Variants in TRPM1 observed in about 807,000 individuals in gnomAD.
TRPM1 encodes the protein transient receptor potential cation channel subfamily M member 1.
In TRPM1, 113 loss-of-function variants were observed where a neutral mutation model predicts 149.4. The ratio of observed to expected loss-of-function variants is 0.76; its 90% CI spans 0.65 to 0.88. The LOEUF (loss-of-function observed/expected upper bound fraction) is 0.88, where lower values mean the gene tolerates loss of function less well. Among genes scored for constraint, TRPM1 ranks in the 40% least tolerant of loss-of-function variants. The pLI is 0.00. For synonymous variants in TRPM1, 741 were observed against 759.5 expected (o/e 0.98, Z 0.40); for missense variants, 1,976 against 2,038.7 (o/e 0.97, Z 0.59).
intron 27 of TRPM1, among the ~76,000 whole-genome samples, chr15:31,003,914 C>T (rs1357076310): frequency 6.6e-6 from 1 of 151,694 alleles, no homozygotes; most frequent in African/African-American, 2.4e-5. Flanking sequence ...ATAATGTTGC[C>T]TGGCCTAAAA....
chr15:31,143,894 G>A (rs2036190830), intron 1 of TRPM1, among the ~76,000 whole-genome samples: 1 of 151,942 alleles, frequency 6.6e-6, no homozygotes, highest in Non-Finnish European at 1.5e-5. Context: ...ATGGTAATAT[G>A]GTTATTTGCA....
chr15:31,160,391 C>A (rs2036429438), intron 1 of TRPM1, among the ~76,000 whole-genome samples: 1 of 152,166 alleles, frequency 6.6e-6, no homozygotes. Context: ...TCACTTAGGG[C>A]CCCTCTGGCC....
chr15:31,154,831 G>T (rs1423123328), intron 1 of TRPM1, among the ~76,000 whole-genome samples: 1 of 151,468 alleles, frequency 6.6e-6, no homozygotes, highest in African/African-American at 2.4e-5. Flanking sequence ...CTGATCTTGT[G>T]ACCCCCACCC....
Position 31,132,427 on chromosome 15 carries a change from C to G in TRPM1, c.54+28479G>C, listed in dbSNP as rs1226907297. On this transcript the variant is annotated intron_variant, in intron 1 of 26. Transcript: ENST00000542188. ...CAGTTACTACCCAAGGAGCCCTAGT[C>G]CTGCAACAGAGTAGCCACTGGCTAC... Among the ~76,000 whole-genome samples, 95 of 152,224 alleles carry G rather than the reference C, an allele frequency of 6.2e-4. 1 individual carries two copies.
chr15:31,127,917 C>T (rs4779830), intron 1 of TRPM1, among the ~76,000 whole-genome samples: 74,865 of 152,030 alleles, frequency 0.49, 19,013 homozygotes, highest in Middle Eastern at 0.55. Flanking sequence ...CCCTGTAGCT[C>T]GTGGGGTCTG....
At chr15:31,086,910 A>T (rs184830670) in intron 1 of TRPM1, among the ~76,000 whole-genome samples, 2 of 152,338 alleles carry the variant, frequency 1.3e-5, no homozygotes, top group East Asian at 3.8e-4. Context: ...AAACTGATTT[A>T]AAAAAGGACT....
Position 31,067,865 on chromosome 15 carries a change from G to A in TRPM1, c.493+14C>T. The A allele has an allele frequency of 6.2e-7, 1 of 1,611,884 alleles. No homozygotes were observed. Among genetic ancestry groups the A allele is most frequent in the Non-Finnish European group, 8.5e-7 (1 of 1,179,634 alleles). ...GGTACATTGATTATCGGGAGGGAAA[G>A]GGCCTGCTCTTACCTGTGCTGACAC... On this transcript the variant is annotated intron_variant, in intron 5 of 27. Transcript: ENST00000256552.
At chr15:31,150,539 T>TGATTCTTC (rs2036286819) in intron 1 of TRPM1, among the ~76,000 whole-genome samples, 1 of 149,628 alleles carries the variant, frequency 6.7e-6, no homozygotes, top group African/African-American at 2.5e-5. Context: ...CGGATTCAAG[T>TGATTCTTC]GATTCTTCGG....
chr15:31,133,358 A>T (rs1010935816), intron 1 of TRPM1, among the ~76,000 whole-genome samples: 1 of 152,188 alleles, frequency 6.6e-6, no homozygotes, highest in African/African-American at 2.4e-5. Context: ...ACTTGAGGTC[A>T]GGAGTTGGAG....
upstream of TRPM1, among the ~76,000 whole-genome samples, chr15:31,104,925 C>G (rs1203001766): frequency 1.3e-5 from 2 of 152,044 alleles, no homozygotes; most frequent in Non-Finnish European, 2.9e-5. Context: ...TAGGTCGACT[C>G]TTCTTTATTT....
At chr15:31,022,764 G>A (rs28435882) in intron 27 of TRPM1, among the ~76,000 whole-genome samples, 10,010 of 151,986 alleles carry the variant, frequency 0.066, 424 homozygotes, top group South Asian at 0.13. Context: ...TCATCCATTC[G>A]TTCAAAAAAA....
rs2034493749 is a variant in TRPM1, at chr15:31,070,148, G to A, written c.162C>T (p.Ser54=). 13 of 1,613,966 alleles carry A rather than the reference G, an allele frequency of 8.1e-6. No individual in the cohort carries two copies. Among genetic ancestry groups the A allele is most frequent in the African/African-American group, 2.7e-5 (2 of 74,912 alleles). ...TCTCAGGCTGAGTCTCCACCTGTTT[G>A]CTTTCCTCTTCATTTTTGCTGGGTG... is the stretch of plus-strand genomic sequence containing the variant. ...SATPSKNEEE[S]KQVETQPEKW... Residue 54 remains serine (S), a synonymous_variant, in exon 4 of 28, where the codon AGC becomes AGT. Transcript: ENST00000256552.
In TRPM1 at chr15:31,002,852, T is replaced by C; in HGVS notation, c.3848A>G (p.Gln1283Arg). ...GCCATCAGCGCTATTGATGCTGCTT[T>C]GCCGGAGAAGATACGTTGCCTCACA... ...SECEATYLLR[Q>R]SSINSADGYS... Residue 1283 changes from glutamine to arginine, a missense_variant, in exon 28 of 28, where the codon CAA (glutamine) becomes CGA (arginine). Physicochemically the swap from Gln to Arg is conservative, Grantham distance 43. Transcript: ENST00000256552. 2 of 1,614,222 alleles carry C rather than the reference T, an allele frequency of 1.2e-6. No homozygotes were observed. The highest frequency in any genetic ancestry group is 1.7e-6 in the Non-Finnish European group (2 of 1,180,034).
chr15:31,038,698 C>G lies in TRPM1; in HGVS notation c.2317-532G>C, dbSNP rs932255388. Among the ~76,000 whole-genome samples, 3 of 152,216 alleles carry G rather than the reference C, an allele frequency of 2.0e-5. No homozygotes were observed. The South Asian group carries it at 6.2e-4, about 32-fold the overall frequency. ...CTGCACTCCAGCCTGGGTGACAGAGCAAGACCCTGTCTCAAAAATAAAATA... is the reference window on the plus strand; with the variant it reads ...CTGCACTCCAGCCTGGGTGACAGAGGAAGACCCTGTCTCAAAAATAAAATA... On this transcript the variant is annotated intron_variant, in intron 18 of 27. Coordinates refer to ENST00000256552, the MANE Select transcript of TRPM1 (RefSeq NM_001252024.2).
intron 1 of TRPM1, among the ~76,000 whole-genome samples, chr15:31,087,477 A>G (rs934519056): frequency 2.0e-5 from 3 of 151,714 alleles, no homozygotes; most frequent in Non-Finnish European, 2.9e-5. Flanking sequence ...GATGGTCTCA[A>G]TCTCCTGACC....
intron 23 of TRPM1, among the ~76,000 whole-genome samples, chr15:31,030,321 T>C (rs2033007759): frequency 6.6e-6 from 1 of 151,998 alleles, no homozygotes; most frequent in Admixed American, 6.5e-5. Flanking sequence ...GGACTAAAAG[T>C]GCCTCCTTCA....
intron 1 of TRPM1, among the ~76,000 whole-genome samples, chr15:31,089,875 C>T (rs531859973): frequency 1.3e-5 from 2 of 152,290 alleles, no homozygotes; most frequent in South Asian, 2.1e-4. Context: ...CCATGTGGCG[C>T]ACAGGGAACT....
intron 16 of TRPM1, among the ~76,000 whole-genome samples, chr15:31,042,649 C>T (rs1206233881): frequency 6.6e-6 from 1 of 152,178 alleles, no homozygotes; most frequent in Non-Finnish European, 1.5e-5. Context: ...AAATAACACT[C>T]GTTTGCCAGA....
intron 1 of TRPM1, among the ~76,000 whole-genome samples, chr15:31,095,202 G>T (rs2035345180): frequency 6.6e-6 from 1 of 152,206 alleles, no homozygotes; most frequent in East Asian, 1.9e-4. Flanking sequence ...GTGGTTTCCA[G>T]GGGCAAGGCC....
Sources: gnomAD v4.1 joint callset for allele counts (sites outside exome capture counted in the v4.1 genomes callset) on GRCh38, gnomAD v4.1.1 for gene constraint, MANE v1.5 for transcripts, NCBI Gene and HGNC (gene_info 2026-07-23, HGNC 2026-07-21) for gene names.